The following ADAM11 variants were observed in gnomAD, a reference collection of about 807,000 sequenced individuals.
ADAM11 encodes the protein ADAM metallopeptidase domain 11, also known as disintegrin and metalloproteinase domain-containing protein 11.
Under a neutral mutation model 119.1 loss-of-function variants are expected in ADAM11, and 49 were observed. The observed-to-expected ratio is 0.41, with a 90% CI of 0.33 to 0.52. ADAM11 has a LOEUF of 0.52. ADAM11 is among the 20% of genes least tolerant of loss of function. The pLI, the probability that ADAM11 is intolerant of heterozygous loss-of-function variation, is 0.20. For synonymous variants in ADAM11, 364 were observed against 408.0 expected (o/e 0.89, Z 1.30); for missense variants, 777 against 1,047.5 (o/e 0.74, Z 3.56).
chr17:44,759,462 C>CT, intron 1 of ADAM11: 1 of 1,247,382 alleles, frequency 8.0e-7, no homozygotes, highest in Non-Finnish European at 1.0e-6. Flanking sequence ...GTCCCTGCCC[C>CT]TGCCGCCGAC....
rs2049691811 is a variant in ADAM11 at position 44,781,382 on chromosome 17, G to T, written c.*1628G>T. On this transcript the variant is annotated 3_prime_UTR_variant, in exon 27 of 27. Transcript: ENST00000200557. The stretch of plus-strand genomic sequence containing the variant: ...CTGCCCACTCAAGGGCTGAGTGGAG[G>T]GGCCCCTCCGGCCAGCTCTGCTCCA... 2 of 152,208 alleles carry T rather than the reference G, an allele frequency of 1.3e-5. No homozygotes were observed. Among genetic ancestry groups the T allele is most frequent in the Non-Finnish European group, 2.9e-5 (2 of 68,056 alleles). The allele number at this position is 152,208 out of a possible 1,614,324, so 9.4% of individuals were successfully genotyped here.
chr17:44,774,113 GA>G (rs1245440432), intron 11 of ADAM11, among the ~76,000 whole-genome samples, 181 bp from the exon 12 acceptor site: 1 of 90,934 alleles, frequency 1.1e-5, no homozygotes, highest in Non-Finnish European at 2.5e-5. Flanking sequence ...GAAAAAGAAA[GA>G]AAAAAAAGAA....
Position 44,769,998 on chromosome 17 carries a change from C to T in ADAM11, c.331C>T (p.Gln111Ter), listed in dbSNP as rs1373292673. 2.5e-6 allele frequency: 4 copies of T among 1,614,162 alleles called. No individual in the cohort carries two copies. The highest frequency in any genetic ancestry group is 8.5e-7 in the Non-Finnish European group (1 of 1,180,012). Residue 111 changes from glutamine (Q) to a stop codon, truncating the protein, a stop_gained, in exon 4 of 27, where the codon CAA becomes TAA. Transcript: ENST00000200557. LOFTEE classifies it high-confidence loss of function. ...LELNHHLLSS[Q>*]YVERHFSREG... ...CTGTCTCAGCCACCTCCTCTCCTCGCAATACGTGGAGCGCCACTTCAGCCG... is the reference window on the plus strand; with the variant it reads ...CTGTCTCAGCCACCTCCTCTCCTCGTAATACGTGGAGCGCCACTTCAGCCG...
Position 44,771,728 on chromosome 17 carries a change from G to C in ADAM11, c.468-28G>C, listed in dbSNP as rs776315863. The C allele has an allele frequency of 6.3e-5, 102 of 1,612,848 alleles. 2 individuals carry two copies. In the South Asian group the frequency reaches 1.1e-3, roughly 17 times the overall value. On this transcript the variant is annotated intron_variant, in intron 5 of 26. Transcript: ENST00000200557. ...AGCCTCTGGCCCAGGCCTGGGGACG[G>C]AGGGGAGCTGCGCCTCTCTCTCCAC... is the stretch of plus-strand genomic sequence containing the variant.
At position 44,781,383 on chromosome 17, in the gene ADAM11, G is replaced by C. The variant is rs961074530; in HGVS notation, c.*1629G>C. 6.6e-6 allele frequency: 1 copy of C among 152,160 alleles called. No homozygotes were observed. Among genetic ancestry groups the C allele is most frequent in the Non-Finnish European group, 1.5e-5 (1 of 68,038 alleles). The allele number at this position is 152,160 out of a possible 1,614,324, so 9.4% of individuals were successfully genotyped here. A position where few individuals can be genotyped will look rare whatever the true frequency, so the allele number is the denominator to read the frequency against. ...TGCCCACTCAAGGGCTGAGTGGAGG[G>C]GCCCCTCCGGCCAGCTCTGCTCCAC... On this transcript the variant is annotated 3_prime_UTR_variant, in exon 27 of 27. Coordinates refer to ENST00000200557, the MANE Select transcript of ADAM11 (RefSeq NM_002390.6).
intron 26 of ADAM11, 131 bp downstream of exon 26, chr17:44,779,370 G>T: frequency 6.8e-7 from 1 of 1,459,876 alleles, no homozygotes; most frequent in Non-Finnish European, 9.0e-7. Context: ...CCCCACCCCT[G>T]CTGCCAGGCT....
intron 6 of ADAM11, 71 bp downstream of exon 6, chr17:44,771,902 C>G (rs1338897056): frequency 2.0e-6 from 3 of 1,512,528 alleles, no homozygotes; most frequent in Non-Finnish European, 2.7e-6. Flanking sequence ...GCTGTTGCTG[C>G]CACCTCTTCC....
In ADAM11 at chr17:44,773,498, T is replaced by C; in HGVS notation, c.992+71T>C. 6.5e-7 allele frequency: 1 copy of C among 1,536,756 alleles called. No homozygotes were observed. The highest frequency in any genetic ancestry group is 8.8e-7 in the Non-Finnish European group (1 of 1,136,914). On this transcript the variant is annotated intron_variant, in intron 11 of 26. Coordinates refer to ENST00000200557, the MANE Select transcript of ADAM11 (RefSeq NM_002390.6). This position sits in a 1 kb window ranked among gnomAD's most constrained non-coding sequence, Gnocchi z 4.6. ...ACAGTGCTTGGGATTACTTAACACC[T>C]GCCCTGTGCTGGCTGCTCCTCTCAG...
intron 2 of ADAM11, among the ~76,000 whole-genome samples, chr17:44,763,966 C>T (rs1246347441): frequency 6.6e-6 from 1 of 152,218 alleles, no homozygotes; most frequent in Non-Finnish European, 1.5e-5. Flanking sequence ...ATCCACCCGC[C>T]TTGGCCTCCC....
At position 44,773,880 on chromosome 17, in the gene ADAM11, C is replaced by G. The variant is rs1008010878; in HGVS notation, c.993-415C>G. Among the ~76,000 whole-genome samples, 20 of 151,850 alleles carry G rather than the reference C, an allele frequency of 1.3e-4. No homozygotes were observed. Among genetic ancestry groups the G allele is most frequent in the African/African-American group, 4.6e-4 (19 of 41,320 alleles). On this transcript the variant is annotated intron_variant, in intron 11 of 26. Coordinates refer to ENST00000200557, the MANE Select transcript of ADAM11 (RefSeq NM_002390.6). The surrounding 1 kb of genome is among the most constrained non-coding windows in gnomAD (Gnocchi z 4.6). ...GGAGGCCAAGGCGGGTAGATCATTT[C>G]AGGTTACGAGTTTAAGACCAGCCTG...
At chr17:44,765,783 G>A (rs933436044) in intron 2 of ADAM11, among the ~76,000 whole-genome samples, 4 of 151,988 alleles carry the variant, frequency 2.6e-5, no homozygotes, top group Non-Finnish European at 5.9e-5. Context: ...ACCACACCCG[G>A]CTAATTTCTT....
In ADAM11 at chr17:44,776,021, G is replaced by A; in HGVS notation, c.1486-106G>A. ...AACAGGCCTGAAACGGGGCCCTGGGGAGCTGGAGGGCCCGGGGATGTGGGG... is the reference window on the plus strand; with the variant it reads ...AACAGGCCTGAAACGGGGCCCTGGGAAGCTGGAGGGCCCGGGGATGTGGGG... On this transcript the variant is annotated intron_variant, in intron 17 of 26. Transcript: ENST00000200557. The surrounding 1 kb of genome is among the most constrained non-coding windows in gnomAD (Gnocchi z 5.2). The A allele has an allele frequency of 7.6e-7, 1 of 1,307,940 alleles. No homozygotes were observed. Among genetic ancestry groups the A allele is most frequent in the Non-Finnish European group, 1.1e-6 (1 of 918,918 alleles). 81.0% of individuals were successfully genotyped at this position (1,307,940 alleles called of 1,614,324 possible).
In ADAM11 at chr17:44,775,315, C is replaced by T; in HGVS notation, c.1320+4C>T. On this transcript the variant is annotated splice_donor_region_variant and intron_variant, in intron 15 of 26. Coordinates refer to ENST00000200557, the MANE Select transcript of ADAM11 (RefSeq NM_002390.6). The surrounding 1 kb of genome is among the most constrained non-coding windows in gnomAD (Gnocchi z 7.5). ...CCTCTTCAACAAGCCCCTCAAGGTA[C>T]CAGCCCCGCGGCGGGGAGCATGGGA... The T allele has an allele frequency of 6.2e-7, 1 of 1,613,760 alleles. No homozygotes were observed. Among genetic ancestry groups the T allele is most frequent in the Non-Finnish European group, 8.5e-7 (1 of 1,179,964 alleles).
rs1049736209 is a variant in ADAM11, at chr17:44,776,122, C to T, written c.1486-5C>T. 6.2e-7 allele frequency: 1 copy of T among 1,613,478 alleles called. No individual in the cohort carries two copies. Among genetic ancestry groups the T allele is most frequent in the African/African-American group, 1.3e-5 (1 of 74,896 alleles). On this transcript the variant is annotated splice_polypyrimidine_tract_variant and splice_region_variant and intron_variant, in intron 17 of 26. Transcript: ENST00000200557. The surrounding 1 kb of genome is among the most constrained non-coding windows in gnomAD (Gnocchi z 5.2). ...CCTGACTCGAGGAGCGCGTCTCTTC[C>T]CTAGTACGAACCACGGGGTGTGTCC...
chr17:44,775,468 G>T lies in ADAM11; in HGVS notation c.1392+3G>T. On this transcript the variant is annotated splice_donor_region_variant and intron_variant, in intron 16 of 26. Coordinates refer to ENST00000200557, the MANE Select transcript of ADAM11 (RefSeq NM_002390.6). The surrounding 1 kb of genome is among the most constrained non-coding windows in gnomAD (Gnocchi z 7.5). ...AGTGCGACTGCGGCTCGGTGCAGGT[G>T]AGCGGTGGTGCGGGCGCCAGGTGGG... 6.2e-7 allele frequency: 1 copy of T among 1,605,230 alleles called. No homozygotes were observed.
At chr17:44,762,480 G>A (rs1598881648) in intron 2 of ADAM11, among the ~76,000 whole-genome samples, 1 of 152,322 alleles carries the variant, frequency 6.6e-6, no homozygotes, top group African/African-American at 2.4e-5. Flanking sequence ...GCCCGTGTGT[G>A]TCCTAGCCAG....
rs1431631547 is a variant in ADAM11, at chr17:44,778,160, G to A, written c.2194G>A (p.Gly732Ser). The change falls in exon 25 of 27, where the codon GGC becomes AGC. Residue 732 changes from glycine (G) to serine (S), a missense_variant. This residue lies in a region of ADAM11 where 348 missense variants were observed against 486.7 expected (regional missense o/e 0.72). Coordinates refer to ENST00000200557, the MANE Select transcript of ADAM11 (RefSeq NM_002390.6). ...CCTGCCATCCTCCCCAGGTCCCAGC[G>A]GCACCAACATCATCATTGGCTCCAT... Reference protein sequence around the residue: ...GETERYKGPSGTNIIIGSIAG... With the variant: ...GETERYKGPSSTNIIIGSIAG... 1.9e-6 allele frequency: 3 copies of A among 1,613,620 alleles called. No homozygotes were observed. Among genetic ancestry groups the A allele is most frequent in the Non-Finnish European group, 1.7e-6 (2 of 1,179,834 alleles).
At chr17:44,771,229 G>T (rs2049519131) in intron 4 of ADAM11, among the ~76,000 whole-genome samples, 1 of 151,532 alleles carries the variant, frequency 6.6e-6, no homozygotes, top group Non-Finnish European at 1.5e-5. Context: ...GAACCCAGGA[G>T]GCAGAGGGTG....
Position 44,776,876 on chromosome 17 carries a change from C to T in ADAM11, c.1618-23C>T. ...GACCACTCAGCATCTCCATCCCTTG[C>T]CTCTTAATTCTTGGACTCTCAGGGC... On this transcript the variant is annotated intron_variant, in intron 19 of 26. Coordinates refer to ENST00000200557, the MANE Select transcript of ADAM11 (RefSeq NM_002390.6). This position sits in a 1 kb window ranked among gnomAD's most constrained non-coding sequence, Gnocchi z 5.2. The T allele has an allele frequency of 6.2e-7, 1 of 1,613,508 alleles. No homozygotes were observed. The highest frequency in any genetic ancestry group is 8.5e-7 in the Non-Finnish European group (1 of 1,179,504).
Sources: allele counts gnomAD v4.1 joint callset (sites outside exome capture counted in the v4.1 genomes callset), GRCh38; gene constraint gnomAD v4.1.1; regional missense constraint gnomAD v4.1.1; non-coding constraint Gnocchi (gnomAD v3.1); transcripts MANE v1.5; gene names NCBI Gene and HGNC (gene_info 2026-07-23, HGNC 2026-07-21).